The following KCND2 variants were observed in gnomAD, a reference collection of about 807,000 sequenced individuals.
The protein encoded by KCND2 is A-type voltage-gated potassium channel KCND2.
KCND2 carries 16 observed loss-of-function variants against 54.4 expected under a neutral mutation model. The ratio of observed to expected loss-of-function variants is 0.29; its 90% CI spans 0.20 to 0.45. KCND2 has a LOEUF of 0.45. Ranked by LOEUF, KCND2 falls within the 20% of genes least tolerant of loss-of-function variation. The pLI, the probability that KCND2 is intolerant of heterozygous loss-of-function variation, is 1.00. For synonymous variants in KCND2, 317 were observed against 310.7 expected, an observed-to-expected ratio of 1.02 and a Z score of -0.21; for missense variants, 486 against 824.2, an observed-to-expected ratio of 0.59 and a Z score of 5.02.
At chr7:120,300,488 G>A (rs1799570640) in intron 1 of KCND2, among the ~76,000 whole-genome samples, 1 of 151,944 alleles carries the variant, frequency 6.6e-6, no homozygotes, top group South Asian at 2.1e-4. Flanking sequence ...GGTGTATATT[G>A]TTTTCATTTC....
chr7:120,462,214 T>G (rs981818214), intron 1 of KCND2, among the ~76,000 whole-genome samples: 21 of 129,838 alleles, frequency 1.6e-4, no homozygotes, highest in South Asian at 6.4e-4. Context: ...TTCTTTTTTG[T>G]TTTTTTTTTG....
At chr7:120,447,694 A>G (rs1350253380) in intron 1 of KCND2, among the ~76,000 whole-genome samples, 1 of 152,202 alleles carries the variant, frequency 6.6e-6, no homozygotes, top group Non-Finnish European at 1.5e-5. Context: ...AAGACATTTT[A>G]CATTTTCAGT....
In KCND2 at chr7:120,632,337, A is replaced by T. The variant is rs553267245; in HGVS notation, c.1116-100566A>T. Among the ~76,000 whole-genome samples, 108 of 152,304 alleles carry T rather than the reference A, an allele frequency of 7.1e-4. 2 individuals are homozygous for T. Among genetic ancestry groups the T allele is most frequent in the African/African-American group, 2.4e-3 (101 of 41,578 alleles). Reference sequence around the variant, plus strand: ...TAAATACTTCTGTCTTGCACTTGTAAACACCTTGCATCTGAGAAATTGAAA... The same window carrying T: ...TAAATACTTCTGTCTTGCACTTGTATACACCTTGCATCTGAGAAATTGAAA... On this transcript the variant is annotated intron_variant, in intron 1 of 5. Transcript: ENST00000331113.
rs186147193 is a variant in KCND2 at position 120,319,800 on chromosome 7, A to T, written c.1115+44053A>T. Among the ~76,000 whole-genome samples the T allele has an allele frequency of 1.2e-3, 177 of 152,264 alleles. 1 individual carries two copies. Among genetic ancestry groups the T allele is most frequent in the African/African-American group, 4.2e-3 (174 of 41,576 alleles). ...TCTTAATATAAACATTTTGCCATCC[A>T]TTTAACATAGTAGAAGCCATATAAT... On this transcript the variant is annotated intron_variant, in intron 1 of 5. Coordinates refer to ENST00000331113, the MANE Select transcript of KCND2 (RefSeq NM_012281.3).
intron 1 of KCND2, among the ~76,000 whole-genome samples, chr7:120,584,814 CA>C (rs201246613): frequency 5.3e-5 from 8 of 150,872 alleles, no homozygotes; most frequent in Non-Finnish European, 1.0e-4. Flanking sequence ...TTAGTTAAAG[CA>C]AAAAAAATCA....
intron 1 of KCND2, among the ~76,000 whole-genome samples, chr7:120,626,163 T>C (rs1793161458): frequency 6.6e-6 from 1 of 152,144 alleles, no homozygotes; most frequent in Admixed American, 6.5e-5. Flanking sequence ...GCTTCATAAA[T>C]ACATAGTTTG....
chr7:120,525,416 AT>A (rs1375936318), intron 1 of KCND2, among the ~76,000 whole-genome samples: 1 of 152,144 alleles, frequency 6.6e-6, no homozygotes, highest in East Asian at 1.9e-4. Context: ...AATGTTCTTA[AT>A]TTATTTCAGA....
intron 1 of KCND2, among the ~76,000 whole-genome samples, chr7:120,660,626 A>G (rs930740391): frequency 6.6e-6 from 1 of 152,224 alleles, no homozygotes; most frequent in Admixed American, 6.5e-5. Context: ...GCACATCATT[A>G]TATGAATTAA....
intron 1 of KCND2, among the ~76,000 whole-genome samples, chr7:120,400,216 T>A (rs1250429876): frequency 6.6e-6 from 1 of 152,200 alleles, no homozygotes; most frequent in Non-Finnish European, 1.5e-5. Flanking sequence ...CAACAATTTG[T>A]ATATTAACAC....
Position 120,526,958 on chromosome 7 carries a change from T to A in KCND2, c.1116-205945T>A, listed in dbSNP as rs1791784108. ...TGGAATGACATAAAATATTTGACTT[T>A]AATTCAATAATCACAACAATGGATC... On this transcript the variant is annotated intron_variant, in intron 1 of 5. Transcript: ENST00000331113. Among the ~76,000 whole-genome samples, 6 of 152,254 alleles carry A rather than the reference T, an allele frequency of 3.9e-5. No individual in the cohort carries two copies. In the South Asian group the frequency reaches 1.2e-3, roughly 32 times the overall value.
chr7:120,592,799 T>C (rs1371430919), intron 1 of KCND2, among the ~76,000 whole-genome samples: 1 of 152,206 alleles, frequency 6.6e-6, no homozygotes, highest in African/African-American at 2.4e-5. Flanking sequence ...GGTTCATTTT[T>C]ATCTAAAGAA....
intron 1 of KCND2, among the ~76,000 whole-genome samples, chr7:120,409,179 A>C (rs1184037867): frequency 6.6e-6 from 1 of 151,988 alleles, no homozygotes; most frequent in Non-Finnish European, 1.5e-5. Context: ...GGTGTCAGAG[A>C]GATCTTAGTT....
At chr7:120,506,496 A>G (rs1412324411) in intron 1 of KCND2, among the ~76,000 whole-genome samples, 2 of 151,886 alleles carry the variant, frequency 1.3e-5, no homozygotes, top group Non-Finnish European at 2.9e-5. Flanking sequence ...CACACAGCAA[A>G]GACAAACATA....
intron 1 of KCND2, among the ~76,000 whole-genome samples, chr7:120,624,884 A>G (rs1369972233): frequency 1.3e-5 from 2 of 152,194 alleles, no homozygotes; most frequent in African/African-American, 2.4e-5. Context: ...TTCTCATAAT[A>G]CATTCAATGG....
At chr7:120,289,066 A>T (rs1799392546) in intron 1 of KCND2, among the ~76,000 whole-genome samples, 2 of 35,806 alleles carry the variant, frequency 5.6e-5, no homozygotes, top group South Asian at 6.1e-3. Flanking sequence ...ACACACACAC[A>T]CACACACACA....
At chr7:120,590,832 A>G (rs1280375375) in intron 1 of KCND2, among the ~76,000 whole-genome samples, 1 of 152,122 alleles carries the variant, frequency 6.6e-6, no homozygotes, top group Non-Finnish European at 1.5e-5. Context: ...TTTCAGTTGT[A>G]TTCATTATGT....
intron 1 of KCND2, among the ~76,000 whole-genome samples, chr7:120,719,571 C>G (rs1244809254): frequency 6.6e-6 from 1 of 152,052 alleles, no homozygotes; most frequent in African/African-American, 2.4e-5. Context: ...CCTTCATCTG[C>G]AATCTTATAA....
intron 1 of KCND2, among the ~76,000 whole-genome samples, chr7:120,541,400 T>A (rs1584820232): frequency 8.9e-6 from 1 of 112,338 alleles, no homozygotes; most frequent in African/African-American, 6.6e-5. Context: ...GGAGATGAAA[T>A]TTTTTTTTCC....
intron 1 of KCND2, among the ~76,000 whole-genome samples, chr7:120,559,392 G>C (rs1792205196): frequency 6.6e-6 from 1 of 152,154 alleles, no homozygotes; most frequent in South Asian, 2.1e-4. Context: ...CACTTGCAGA[G>C]TAGTCAGTTC....
Sources: gnomAD v4.1 joint callset for allele counts (sites outside exome capture counted in the v4.1 genomes callset) on GRCh38, gnomAD v4.1.1 for gene constraint, MANE v1.5 for transcripts, NCBI Gene and HGNC (gene_info 2026-07-23, HGNC 2026-07-21) for gene names.